TAOK1: variants seen among roughly 807,000 people sequenced by gnomAD.
TAOK1 encodes the protein serine/threonine-protein kinase TAO1.
TAOK1 carries 21 observed loss-of-function variants against 138.3 expected under a neutral mutation model. The ratio of observed to expected loss-of-function variants is 0.15; its 90% CI spans 0.11 to 0.22. TAOK1 has a LOEUF of 0.22. Among genes scored for constraint, TAOK1 ranks in the 10% least tolerant of loss-of-function variants. The pLI is 1.00. For synonymous variants in TAOK1, 361 were observed against 398.4 expected (o/e 0.91, Z 1.12); for missense variants, 651 against 1,227.7 (o/e 0.53, Z 7.02).
Position 29,451,671 on chromosome 17 carries a change from A to C in TAOK1, c.123A>C (p.Ala41=). The C allele has an allele frequency of 6.2e-7, 1 of 1,613,154 alleles. No homozygotes were observed. The highest frequency in any genetic ancestry group is 8.5e-7 in the Non-Finnish European group (1 of 1,179,620). The change falls in exon 2 of 20, where the codon GCA becomes GCC. Residue 41 remains alanine (A), a synonymous_variant. Transcript: ENST00000261716. ...AAATTGGCCATGGAAGCTTTGGAGC[A>C]GTGTATTTTGTAAGTGTTAGTGGCT... The part of the protein sequence containing the change: ...LREIGHGSFG[A]VYFARDVRTN...
At chr17:29,395,646 C>CTTTTTTTTTTTTTTT (rs10591199) in intron 1 of TAOK1, among the ~76,000 whole-genome samples, 1 of 129,762 alleles carries the variant, frequency 7.7e-6, no homozygotes, top group African/African-American at 2.9e-5. Context: ...GGTATGTGTA[C>CTTTTTTTTTTTTTTT]TTTTTTTTTT....
chr17:29,437,891 C>T (rs902689383), intron 1 of TAOK1, among the ~76,000 whole-genome samples: 1 of 151,956 alleles, frequency 6.6e-6, no homozygotes, highest in African/African-American at 2.4e-5. Context: ...CACCACTATG[C>T]CCAGCTAATT....
chr17:29,535,322 T>C (rs746654745), intron 19 of TAOK1, among the ~76,000 whole-genome samples: 3 of 150,668 alleles, frequency 2.0e-5, no homozygotes, highest in Non-Finnish European at 3.0e-5. Flanking sequence ...AATAAATAAA[T>C]AAATAAATAA....
rs777188318 is a variant in TAOK1, at chr17:29,507,845, G to A, written c.1339-51G>A. 1.5e-5 allele frequency: 23 copies of A among 1,534,326 alleles called. No homozygotes were observed. The South Asian group carries it at 1.8e-4, about 12-fold the overall frequency. ...TATAGAATTGTCTAAAATGCTTTTC[G>A]AAGAAGAATGTTTTATTTTCTTCTT... is the stretch of plus-strand genomic sequence containing the variant. On this transcript the variant is annotated intron_variant, in intron 13 of 19. Transcript: ENST00000261716.
intron 1 of TAOK1, among the ~76,000 whole-genome samples, chr17:29,447,372 A>G (rs1300957294): frequency 3.3e-5 from 5 of 151,898 alleles, no homozygotes; most frequent in African/African-American, 9.7e-5. Context: ...TCGCTGTGTC[A>G]CCCAGACTGG....
chr17:29,480,266 A>G, intron 6 of TAOK1, 102 bp from the exon 7 acceptor site: 1 of 765,866 alleles, frequency 1.3e-6, no homozygotes, highest in East Asian at 3.0e-5. Context: ...AATTATTTTG[A>G]TTTCTCTTTC....
intron 1 of TAOK1, chr17:29,445,535 A>G (rs2030056547): frequency 6.6e-6 from 1 of 152,174 alleles, no homozygotes; most frequent in African/African-American, 2.4e-5. Context: ...TGAGTGTTTT[A>G]TCATGAATGG....
chr17:29,535,109 C>T (rs2032200800), intron 19 of TAOK1, among the ~76,000 whole-genome samples: 2 of 152,038 alleles, frequency 1.3e-5, no homozygotes, highest in Admixed American at 6.6e-5. Context: ...CTCAGGAGTT[C>T]GAGACCAGCC....
At chr17:29,475,532 C>A in intron 3 of TAOK1, 138 bp from the exon 4 acceptor site, 2 of 604,014 alleles carry the variant, frequency 3.3e-6, no homozygotes, top group East Asian at 3.0e-5. Context: ...AGAGCAAGAC[C>A]CTCCCAATAA....
intron 1 of TAOK1, among the ~76,000 whole-genome samples, chr17:29,427,231 A>T (rs1905669148): frequency 6.6e-6 from 1 of 152,212 alleles, no homozygotes; most frequent in South Asian, 2.1e-4. Flanking sequence ...CCTGGAGAAG[A>T]TTATATAATA....
At chr17:29,399,955 C>T (rs531537341) in intron 1 of TAOK1, among the ~76,000 whole-genome samples, 1 of 152,162 alleles carries the variant, frequency 6.6e-6, no homozygotes, top group Admixed American at 6.5e-5. Context: ...TGGTCTTGAT[C>T]TTCTGAGTTT....
At chr17:29,535,570 T>C (rs547306) in intron 19 of TAOK1, among the ~76,000 whole-genome samples, 57,463 of 151,984 alleles carry the variant, frequency 0.38, 12,082 homozygotes, top group Non-Finnish European at 0.48. Flanking sequence ...AAAATATCTT[T>C]TAAACCAGGT....
chr17:29,422,230 G>A (rs1158216611), intron 1 of TAOK1, among the ~76,000 whole-genome samples: 1 of 148,636 alleles, frequency 6.7e-6, no homozygotes, highest in Non-Finnish European at 1.5e-5. Context: ...TTGAGATGGA[G>A]TCTCGCTCTG....
In TAOK1 at chr17:29,520,282, T is replaced by C. The variant is rs73278639; in HGVS notation, c.1909-1998T>C. 7.5e-3 allele frequency among the ~76,000 whole-genome samples: 1,141 copies of C among 152,082 alleles called. 17 individuals are homozygous for C. The highest frequency in any genetic ancestry group is 0.026 in the African/African-American group (1,092 of 41,492). On this transcript the variant is annotated intron_variant, in intron 16 of 19. Transcript: ENST00000261716. ...GGCGTCACAAAGCAGTAGGTTACAA[T>C]GAAACTTTAAAAATTTCTATGTACT...
chr17:29,415,072 C>T (rs866652751), intron 1 of TAOK1, among the ~76,000 whole-genome samples: 9 of 151,802 alleles, frequency 5.9e-5, no homozygotes, highest in East Asian at 1.9e-4. Flanking sequence ...CAGGTTCAAG[C>T]GATTCTCCTG....
At chr17:29,448,612 CT>C (rs1954924928) in intron 1 of TAOK1, among the ~76,000 whole-genome samples, 1 of 152,118 alleles carries the variant, frequency 6.6e-6, no homozygotes, top group Non-Finnish European at 1.5e-5. Flanking sequence ...CCCTAATTAT[CT>C]CTTGTCTCTC....
chr17:29,402,563 C>T (rs1348057436), intron 1 of TAOK1, among the ~76,000 whole-genome samples: 1 of 152,068 alleles, frequency 6.6e-6, no homozygotes, highest in African/African-American at 2.4e-5. Context: ...CCTCAGCCTC[C>T]GAAAGTGCTG....
intron 1 of TAOK1, among the ~76,000 whole-genome samples, chr17:29,434,216 A>G (rs1905951507): frequency 6.6e-6 from 1 of 152,112 alleles, no homozygotes; most frequent in African/African-American, 2.4e-5. Context: ...ATCCTAAGCC[A>G]ACCAGTTTAA....
At chr17:29,438,459 C>T (rs1211144689) in intron 1 of TAOK1, among the ~76,000 whole-genome samples, 5 of 151,996 alleles carry the variant, frequency 3.3e-5, no homozygotes, top group Non-Finnish European at 5.9e-5. Flanking sequence ...CTGAGGCGGG[C>T]GGACCACGTG....
Sources: allele counts gnomAD v4.1 joint callset (sites outside exome capture counted in the v4.1 genomes callset), GRCh38; gene constraint gnomAD v4.1.1; transcripts MANE v1.5; gene names NCBI Gene and HGNC (gene_info 2026-07-23, HGNC 2026-07-21).